SERINC3: variants seen among roughly 807,000 people sequenced by gnomAD.
The protein encoded by SERINC3 is serine incorporator 3, also known as tumor differentially expressed protein 1.
Under a neutral mutation model 52.1 loss-of-function variants are expected in SERINC3, and 22 were observed. The observed-to-expected ratio is 0.42, with a 90% CI of 0.30 to 0.60. SERINC3 has a LOEUF of 0.60. SERINC3 is among the 20% of genes least tolerant of loss of function. SERINC3 has a pLI of 0.16. For synonymous variants in SERINC3, 226 were observed against 212.7 expected, an observed-to-expected ratio of 1.06 and a Z score of -0.54; for missense variants, 564 against 584.6, an observed-to-expected ratio of 0.96 and a Z score of 0.36.
rs531976945 is a variant in SERINC3 at position 44,510,936 on chromosome 20, CAG to C, written c.475+351_475+352del. Among the ~76,000 whole-genome samples the C allele has an allele frequency of 9.9e-5, 15 of 151,784 alleles. No individual in the cohort carries two copies. The South Asian group carries it at 2.5e-3, about 25-fold the overall frequency. On this transcript the variant is annotated intron_variant, in intron 4 of 9. Coordinates refer to ENST00000342374, the MANE Select transcript of SERINC3 (RefSeq NM_006811.4). The stretch of plus-strand genomic sequence containing the variant: ...TTTTGTTTTGTTTTGTTTTTTGAGA[CAG>C]AGTCTTGATCTGTCGCCCAGGCTGG...
At position 44,500,245 on chromosome 20, in the gene SERINC3, C is replaced by T. The variant is rs758121490; in HGVS notation, c.*51G>A. On this transcript the variant is annotated 3_prime_UTR_variant, in exon 10 of 10. Coordinates refer to ENST00000342374, the MANE Select transcript of SERINC3 (RefSeq NM_006811.4). ...CAAACTTAAAAGGTATATGGGTTTT[C>T]GGTGAAGGAGACCTTTGTGAGTTCC... The T allele has an allele frequency of 3.2e-5, 51 of 1,570,644 alleles. No homozygotes were observed. Among genetic ancestry groups the T allele is most frequent in the East Asian group, 4.5e-5 (2 of 44,102 alleles).
chr20:44,518,318 C>CAAA (rs3091899), intron 1 of SERINC3, among the ~76,000 whole-genome samples: 36 of 87,486 alleles, frequency 4.1e-4, no homozygotes, highest in Non-Finnish European at 7.0e-4. Context: ...AAATTAGCCT[C>CAAA]AAAAAAAAAA....
chr20:44,498,812 T>A lies in SERINC3; in HGVS notation c.*1484A>T, dbSNP rs1317804343. The A allele has an allele frequency of 2.0e-5, 3 of 152,178 alleles. No homozygotes were observed. Among genetic ancestry groups the A allele is most frequent in the Admixed American group, 6.5e-5 (1 of 15,280 alleles). 9.4% of individuals were successfully genotyped at this position (152,178 alleles called of 1,614,324 possible). A position where few individuals can be genotyped will look rare whatever the true frequency, so the allele number is the denominator to read the frequency against. On this transcript the variant is annotated 3_prime_UTR_variant, in exon 10 of 10. Coordinates refer to ENST00000342374, the MANE Select transcript of SERINC3 (RefSeq NM_006811.4). The stretch of plus-strand genomic sequence containing the variant: ...CCCTCAACATAAGGTCCAAACTCTT[T>A]ACTGAGGTTGATAAAGCCCTTTAAA...
chr20:44,506,828 TG>T lies in SERINC3; in HGVS notation c.781del (p.Gln261ArgfsTer39). The part of the protein sequence containing the change: ...ASIISIHPKI[Q>X]EHQPRSGLLQ... ...GAAAGAAGTAGTAAACAATCATACC[TG>T]AATTTTTGGGTGGATCGATATAATA... On this transcript the variant is annotated frameshift_variant and splice_region_variant, in exon 6 of 10. Transcript: ENST00000342374. LOFTEE classifies it high-confidence loss of function. The T allele has an allele frequency of 6.4e-7, 1 of 1,565,792 alleles. No individual in the cohort carries two copies. Among genetic ancestry groups the T allele is most frequent in the Non-Finnish European group, 8.6e-7 (1 of 1,158,598 alleles).
At chr20:44,505,007 T>G in intron 6 of SERINC3, 116 bp from the exon 7 acceptor site, 8 of 677,718 alleles carry the variant, frequency 1.2e-5, no homozygotes, top group Non-Finnish European at 2.0e-5. Context: ...TTTCGGATTC[T>G]TCTTGAGAGT....
Position 44,500,302 on chromosome 20 carries a change from G to C in SERINC3, c.1416C>G (p.Phe472Leu), listed in dbSNP as rs763852911. 8.7e-6 allele frequency: 14 copies of C among 1,611,710 alleles called. No individual in the cohort carries two copies. The South Asian group carries it at 1.4e-4, about 17-fold the overall frequency. Residue 472 changes from phenylalanine (F) to leucine (L), a missense_variant, in exon 10 of 10, where the codon TTC becomes TTG. Transcript: ENST00000342374. ...VAPLVLTSRD[F>L]S ...GTCCTTGGCACTCAGAGGTTCAGCT[G>C]AAGTCCCGACTGGTGAGGACAAGTG...
intron 8 of SERINC3, among the ~76,000 whole-genome samples, chr20:44,502,344 TGA>T (rs1457445609): frequency 6.6e-6 from 1 of 152,124 alleles, no homozygotes; most frequent in Non-Finnish European, 1.5e-5. Context: ...CCCAACTACT[TGA>T]GAGGCTGAGG....
chr20:44,513,751 C>T (rs1223032347), intron 2 of SERINC3, 128 bp downstream of exon 2: 24 of 699,676 alleles, frequency 3.4e-5, no homozygotes, highest in Non-Finnish European at 5.3e-5. Context: ...GTTTTGACCA[C>T]ACCCCCATAT....
chr20:44,506,281 CAA>C (rs58316790), intron 6 of SERINC3, among the ~76,000 whole-genome samples: 1,240 of 65,742 alleles, frequency 0.019, 23 homozygotes, highest in African/African-American at 0.055. Flanking sequence ...GACTTTGTCT[CAA>C]AAAAAAAAAA....
intron 8 of SERINC3, 106 bp downstream of exon 8, chr20:44,503,709 G>T: frequency 1.2e-6 from 1 of 846,138 alleles, no homozygotes; most frequent in Non-Finnish European, 1.8e-6. Context: ...TCATTAAAGA[G>T]AGTGAAGTTT....
At chr20:44,511,068 C>A (rs1464422520) in intron 4 of SERINC3, among the ~76,000 whole-genome samples, 2 of 151,846 alleles carry the variant, frequency 1.3e-5, no homozygotes, top group East Asian at 3.9e-4. Flanking sequence ...CGTGCACCAC[C>A]ACGCCTGGCT....
At chr20:44,521,031 T>C (rs551061927) in intron 1 of SERINC3, among the ~76,000 whole-genome samples, 8 of 152,198 alleles carry the variant, frequency 5.3e-5, no homozygotes, top group Non-Finnish European at 1.0e-4. Context: ...GGCACCAAGT[T>C]GGCATCCCCT....
chr20:44,508,599 A>G (rs1024271868), intron 5 of SERINC3, among the ~76,000 whole-genome samples: 4 of 152,240 alleles, frequency 2.6e-5, no homozygotes, highest in Non-Finnish European at 2.9e-5. Flanking sequence ...ATACTCCGCT[A>G]TGGAATGCCA....
At chr20:44,515,199 C>T (rs2064372633) in intron 1 of SERINC3, among the ~76,000 whole-genome samples, 1 of 151,838 alleles carries the variant, frequency 6.6e-6, no homozygotes, top group Non-Finnish European at 1.5e-5. Context: ...ACTAAAAATA[C>T]AAAAATTATC....
chr20:44,507,203 T>C (rs1236833399), intron 5 of SERINC3, among the ~76,000 whole-genome samples: 1 of 152,250 alleles, frequency 6.6e-6, no homozygotes, highest in Non-Finnish European at 1.5e-5. Flanking sequence ...ACCAAGCAAC[T>C]GAATTCACTT....
At chr20:44,515,708 T>A (rs1442801677) in intron 1 of SERINC3, among the ~76,000 whole-genome samples, 1 of 151,760 alleles carries the variant, frequency 6.6e-6, no homozygotes, top group African/African-American at 2.4e-5. Context: ...TGGAGTGCAG[T>A]GGCACAATCT....
intron 9 of SERINC3, 101 bp downstream of exon 9, chr20:44,500,972 A>G (rs563236546): frequency 2.6e-6 from 2 of 780,682 alleles, no homozygotes; most frequent in Middle Eastern, 3.2e-4. Context: ...ACTTCATTAT[A>G]TGGGTAAGAG....
At chr20:44,509,510 A>AT (rs2123050967) in intron 5 of SERINC3, among the ~76,000 whole-genome samples, 1 of 152,026 alleles carries the variant, frequency 6.6e-6, no homozygotes, top group South Asian at 2.1e-4. Flanking sequence ...GAAATTGTGG[A>AT]TTTTTTTCCT....
chr20:44,515,876 G>A (rs1210082079), intron 1 of SERINC3, among the ~76,000 whole-genome samples: 1 of 151,916 alleles, frequency 6.6e-6, no homozygotes, highest in African/African-American at 2.4e-5. Flanking sequence ...GGCTGGTCTT[G>A]AATTCCTGAG....
Sources: allele counts gnomAD v4.1 joint callset (sites outside exome capture counted in the v4.1 genomes callset), GRCh38; gene constraint gnomAD v4.1.1; transcripts MANE v1.5; gene names NCBI Gene and HGNC (gene_info 2026-07-23, HGNC 2026-07-21).